The following GSE1 variants were observed in gnomAD, a reference collection of about 807,000 sequenced individuals.
GSE1 encodes Gse1 coiled-coil protein, also known as genetic suppressor element 1.
GSE1 carries 32 observed loss-of-function variants against 112.6 expected under a neutral mutation model. The ratio of observed to expected loss-of-function variants is 0.28; its 90% CI spans 0.21 to 0.38. The LOEUF (loss-of-function observed/expected upper bound fraction) is 0.38. GSE1 is among the 10% of genes least tolerant of loss of function. GSE1 has a pLI of 1.00. For missense variants in GSE1, 2,348 were observed against 1,699.2 expected, an observed-to-expected ratio of 1.38 and a Z score of -6.71; for synonymous variants, 1,115 against 735.6, an observed-to-expected ratio of 1.52 and a Z score of -8.35.
At chr16:85,595,174 C>T (rs920209445) in intron 1 of GSE1, 1 of 152,418 alleles carries the variant, frequency 6.6e-6, no homozygotes, top group Non-Finnish European at 1.5e-5. Context: ...CTCTCGAGTA[C>T]AGACCAGCAC....
chr16:85,374,905 G>T (rs968068727), intron 2 of GSE1, among the ~76,000 whole-genome samples: 1 of 152,210 alleles, frequency 6.6e-6, no homozygotes, highest in Non-Finnish European at 1.5e-5. Flanking sequence ...TGGTGATGGT[G>T]ACATTGTGCC....
At chr16:85,224,878 C>T (rs902301314) in intron 1 of GSE1, among the ~76,000 whole-genome samples, 3 of 151,944 alleles carry the variant, frequency 2.0e-5, no homozygotes, top group Admixed American at 2.0e-4. Flanking sequence ...ACCTGTAATC[C>T]CAGCACTTTG....
chr16:85,365,822 T>G (rs892845954), intron 2 of GSE1, among the ~76,000 whole-genome samples: 3 of 152,224 alleles, frequency 2.0e-5, no homozygotes, highest in Non-Finnish European at 4.4e-5. Flanking sequence ...TCAGTGTGCA[T>G]ACCTGGACTC....
intron 2 of GSE1, chr16:85,463,105 C>A: frequency 1.0e-6 from 1 of 985,202 alleles, no homozygotes; most frequent in Non-Finnish European, 1.2e-6. Context: ...AAGACCTGGT[C>A]GTCTCTGCTC....
At chr16:85,304,768 G>C (rs2045629863) in intron 1 of GSE1, among the ~76,000 whole-genome samples, 1 of 152,178 alleles carries the variant, frequency 6.6e-6, no homozygotes, top group African/African-American at 2.4e-5. Context: ...GACTTCACTG[G>C]GGATAAGACA....
chr16:85,592,070 G>A (rs983227487), intron 1 of GSE1, among the ~76,000 whole-genome samples: 16 of 152,204 alleles, frequency 1.1e-4, no homozygotes, highest in Non-Finnish European at 2.1e-4. Flanking sequence ...GCTCCCGTCA[G>A]TACAGAGCTA....
intron 1 of GSE1, among the ~76,000 whole-genome samples, chr16:85,348,936 C>G (rs542552191): frequency 5.3e-5 from 8 of 151,984 alleles, no homozygotes; most frequent in South Asian, 2.1e-4. Context: ...GCGCCCTGCC[C>G]GAGACAGCCA....
chr16:85,200,801 G>A (rs1181666761), intron 1 of GSE1, among the ~76,000 whole-genome samples: 2 of 152,112 alleles, frequency 1.3e-5, no homozygotes, highest in East Asian at 1.9e-4. Context: ...CATTAAATGC[G>A]TTCACAGTGC....
intron 2 of GSE1, among the ~76,000 whole-genome samples, chr16:85,533,151 G>A (rs993611213): frequency 6.6e-6 from 1 of 151,880 alleles, no homozygotes; most frequent in Non-Finnish European, 1.5e-5. Flanking sequence ...GGTGGCTCAC[G>A]CCTGTAATCC....
At chr16:85,563,319 G>A (rs1183846768) in intron 1 of GSE1, among the ~76,000 whole-genome samples, 1 of 152,034 alleles carries the variant, frequency 6.6e-6, no homozygotes, top group Non-Finnish European at 1.5e-5. Context: ...ATTTAGTGCT[G>A]TGAAAGCTTG....
intron 1 of GSE1, among the ~76,000 whole-genome samples, chr16:85,563,180 C>T (rs2045598956): frequency 6.8e-6 from 1 of 147,402 alleles, no homozygotes; most frequent in African/African-American, 2.7e-5. Context: ...CCTCCTCCTC[C>T]TCCTCTTCCT....
At chr16:85,237,846 A>T (rs1904822855) in intron 1 of GSE1, among the ~76,000 whole-genome samples, 1 of 151,616 alleles carries the variant, frequency 6.6e-6, no homozygotes, top group Admixed American at 6.6e-5. Context: ...CCCCGCAAAA[A>T]AAAAGAAAAA....
intron 1 of GSE1, among the ~76,000 whole-genome samples, chr16:85,338,176 C>T (rs1202907711): frequency 6.6e-6 from 1 of 152,224 alleles, no homozygotes; most frequent in African/African-American, 2.4e-5. Context: ...GCTGCCTGGG[C>T]GTTGCCTGCT....
At chr16:85,292,234 G>A (rs1434853075) in intron 1 of GSE1, among the ~76,000 whole-genome samples, 1 of 151,892 alleles carries the variant, frequency 6.6e-6, no homozygotes, top group African/African-American at 2.4e-5. Context: ...CGCCTCCTGG[G>A]TTAAAGCAAT....
chr16:85,296,848 C>T (rs1486186490), intron 1 of GSE1, among the ~76,000 whole-genome samples: 1 of 149,652 alleles, frequency 6.7e-6, no homozygotes, highest in Non-Finnish European at 1.5e-5. Context: ...AGGCATGGGC[C>T]AGTCCACAGC....
At chr16:85,259,011 C>T (rs1241485834) in intron 1 of GSE1, among the ~76,000 whole-genome samples, 1 of 152,188 alleles carries the variant, frequency 6.6e-6, no homozygotes, top group Non-Finnish European at 1.5e-5. Context: ...CCCCCAGGAG[C>T]TGCCAGGCTG....
At chr16:85,364,909 G>A (rs1226003930) in intron 2 of GSE1, among the ~76,000 whole-genome samples, 6 of 152,182 alleles carry the variant, frequency 3.9e-5, no homozygotes, top group Admixed American at 2.6e-4. Flanking sequence ...CTGTCTGTGC[G>A]CTGCCCAGGC....
intron 1 of GSE1, chr16:85,357,456 C>T (rs954534231): frequency 1.2e-5 from 15 of 1,212,282 alleles, no homozygotes; most frequent in Admixed American, 8.8e-5. Flanking sequence ...ACCTCTTTTC[C>T]TTTCAGCCTG....
At chr16:85,506,787 G>A (rs1178221609) in intron 2 of GSE1, among the ~76,000 whole-genome samples, 1 of 152,102 alleles carries the variant, frequency 6.6e-6, no homozygotes, top group East Asian at 1.9e-4. Flanking sequence ...GTGAGCTCCT[G>A]CTACTTGCTG....
Sources: gnomAD v4.1 joint callset for allele counts (sites outside exome capture counted in the v4.1 genomes callset) on GRCh38, gnomAD v4.1.1 for gene constraint, MANE v1.5 for transcripts, NCBI Gene and HGNC (gene_info 2026-07-23, HGNC 2026-07-21) for gene names.